Variants in PYGL observed in about 807,000 individuals in gnomAD.
The protein encoded by PYGL is glycogen phosphorylase L.
PYGL carries 90 observed loss-of-function variants against 100.1 expected under a neutral mutation model. That is an observed-to-expected ratio of 0.90 (90% CI 0.76 to 1.07). PYGL has a LOEUF of 1.07. Among genes scored for constraint, PYGL ranks in the 50% least tolerant of loss-of-function variants. The probability of loss-of-function intolerance (pLI) is 0.00; values close to 1 mark genes in which losing one functional copy is unlikely to be tolerated. For synonymous variants in PYGL, 373 were observed against 393.0 expected, an observed-to-expected ratio of 0.95 and a Z score of 0.60; for missense variants, 1,016 against 1,057.6, an observed-to-expected ratio of 0.96 and a Z score of 0.55.
chr14:50,931,314 C>A lies in PYGL; in HGVS notation c.528+359G>T, dbSNP rs767676997. The stretch of plus-strand genomic sequence containing the variant: ...GCTTCCTATCATCAAGGGTTCTTGG[C>A]TGAGATCATGAGTCAAAGATGTGCT... On this transcript the variant is annotated intron_variant, in intron 4 of 19. Transcript: ENST00000216392. Among the ~76,000 whole-genome samples the A allele has an allele frequency of 5.3e-5, 8 of 152,170 alleles. No homozygotes were observed. The South Asian group carries it at 1.0e-3, about 20-fold the overall frequency.
chr14:50,920,651 T>C, intron 6 of PYGL, 28 bp from the exon 7 acceptor site: 3 of 1,567,072 alleles, frequency 1.9e-6, no homozygotes, highest in Non-Finnish European at 2.6e-6. Context: ...AAACAATAAA[T>C]AGAGAAACCA....
intron 16 of PYGL, 115 bp downstream of exon 16, chr14:50,911,615 G>A: frequency 7.3e-7 from 1 of 1,370,000 alleles, no homozygotes; most frequent in Middle Eastern, 1.9e-4. Context: ...CTGCACAAGA[G>A]TGACACCTTC....
chr14:50,907,623 C>A (rs868341069), intron 19 of PYGL, among the ~76,000 whole-genome samples: 29 of 152,080 alleles, frequency 1.9e-4, no homozygotes, highest in African/African-American at 6.8e-4. Context: ...GCACAGTGCC[C>A]GGCATAAAAA....
chr14:50,912,074 C>T, intron 14 of PYGL, 38 bp from the exon 15 acceptor site: 1 of 1,613,308 alleles, frequency 6.2e-7, no homozygotes, highest in Non-Finnish European at 8.5e-7. Flanking sequence ...TGGAAGACAG[C>T]TGACGGTCAG....
chr14:50,910,182 G>T, intron 16 of PYGL, 80 bp from the exon 17 acceptor site: 1 of 1,454,376 alleles, frequency 6.9e-7, no homozygotes, highest in Non-Finnish European at 9.6e-7. Context: ...TATTAAGTTG[G>T]GCTGTTTTGA....
chr14:50,920,395 A>C, intron 7 of PYGL, 146 bp downstream of exon 7: 1 of 816,428 alleles, frequency 1.2e-6, no homozygotes, highest in Admixed American at 2.1e-5. Flanking sequence ...TTGGGAGGAG[A>C]AATCTACACA....
intron 2 of PYGL, among the ~76,000 whole-genome samples, chr14:50,937,532 C>T (rs917510752): frequency 3.9e-5 from 6 of 152,168 alleles, no homozygotes; most frequent in East Asian, 1.9e-4. Flanking sequence ...TGAGTCATAA[C>T]GAGTTATCTA....
chr14:50,921,080 A>T lies in PYGL; in HGVS notation c.661-13T>A. 6.3e-7 allele frequency: 1 copy of T among 1,588,940 alleles called. No homozygotes were observed. Among genetic ancestry groups the T allele is most frequent in the Non-Finnish European group, 8.6e-7 (1 of 1,157,264 alleles). ...GAGCCAGGACCACCTGTGGGATTAA[A>T]CAGAAGCAGCTGCTCATTGTTTCCC... On this transcript the variant is annotated splice_polypyrimidine_tract_variant and intron_variant, in intron 5 of 19. Transcript: ENST00000216392.
At chr14:50,932,713 C>T (rs2050613302) in intron 3 of PYGL, among the ~76,000 whole-genome samples, 1 of 152,190 alleles carries the variant, frequency 6.6e-6, no homozygotes, top group South Asian at 2.1e-4. Context: ...AAGGATCTGT[C>T]TTGTGGCTGG....
intron 5 of PYGL, chr14:50,923,117 G>A (rs2050515978): frequency 6.6e-6 from 1 of 152,134 alleles, no homozygotes. Flanking sequence ...CCCTAACCTT[G>A]CCTCTGTTGG....
chr14:50,935,500 GT>G (rs2050646869), intron 2 of PYGL, among the ~76,000 whole-genome samples: 1 of 152,268 alleles, frequency 6.6e-6, no homozygotes, highest in African/African-American at 2.4e-5. Flanking sequence ...GAGGCTAACA[GT>G]ACCTACCTCA....
intron 1 of PYGL, among the ~76,000 whole-genome samples, chr14:50,943,159 CT>C (rs1465728108): frequency 6.6e-6 from 1 of 152,084 alleles, no homozygotes; most frequent in African/African-American, 2.4e-5. Flanking sequence ...CCCACTGCCC[CT>C]GGGATGTATC....
At chr14:50,936,014 A>C (rs992607623) in intron 2 of PYGL, among the ~76,000 whole-genome samples, 1 of 152,194 alleles carries the variant, frequency 6.6e-6, no homozygotes, top group Non-Finnish European at 1.5e-5. Context: ...TGGGGATCAC[A>C]CAGCAGAGTC....
intron 19 of PYGL, 111 bp from the exon 20 acceptor site, chr14:50,905,667 T>A (rs2050327393): frequency 1.0e-6 from 1 of 992,322 alleles, no homozygotes; most frequent in Admixed American, 1.9e-5. Flanking sequence ...ATGACAGGAA[T>A]AAATTATAGT....
At chr14:50,908,780 T>G in intron 18 of PYGL, 41 bp downstream of exon 18, 1 of 1,531,712 alleles carries the variant, frequency 6.5e-7, no homozygotes, top group African/African-American at 1.4e-5. Flanking sequence ...CTTGTCCCCC[T>G]TTCATGATCC....
chr14:50,934,990 G>A (rs2050640957), intron 3 of PYGL, 117 bp downstream of exon 3: 2 of 912,702 alleles, frequency 2.2e-6, no homozygotes, highest in African/African-American at 1.6e-5. Context: ...CTACAACCAG[G>A]TCATACCTTG....
At chr14:50,941,504 A>G (rs907092898) in intron 1 of PYGL, among the ~76,000 whole-genome samples, 1 of 152,160 alleles carries the variant, frequency 6.6e-6, no homozygotes, top group Non-Finnish European at 1.5e-5. Context: ...ATAGAAATCA[A>G]CAGAAATTGG....
intron 7 of PYGL, among the ~76,000 whole-genome samples, chr14:50,918,941 C>T (rs1292822492): frequency 1.3e-5 from 2 of 152,200 alleles, no homozygotes; most frequent in Admixed American, 6.5e-5. Flanking sequence ...AGTATAATCA[C>T]TGACCTATGC....
chr14:50,942,106 T>C (rs2050706717), intron 1 of PYGL, among the ~76,000 whole-genome samples: 1 of 152,214 alleles, frequency 6.6e-6, no homozygotes, highest in African/African-American at 2.4e-5. Context: ...TGGACACACC[T>C]ACTTGCTCTA....
Sources: allele counts gnomAD v4.1 joint callset (sites outside exome capture counted in the v4.1 genomes callset), GRCh38; gene constraint gnomAD v4.1.1; transcripts MANE v1.5; gene names NCBI Gene and HGNC (gene_info 2026-07-23, HGNC 2026-07-21).